The following TASP1 variants were observed in gnomAD, a reference collection of about 807,000 sequenced individuals.
TASP1 encodes the protein threonine aspartase 1.
In TASP1, 16 loss-of-function variants were observed where a neutral mutation model predicts 56.6. That is an observed-to-expected ratio of 0.28 (90% CI 0.19 to 0.43). The LOEUF (loss-of-function observed/expected upper bound fraction) is 0.43, where lower values mean the gene tolerates loss of function less well. Ranked by LOEUF, TASP1 falls within the 20% of genes least tolerant of loss-of-function variation. The pLI is 1.00. For missense variants in TASP1, 393 were observed against 511.6 expected (o/e 0.77, Z 2.24); for synonymous variants, 179 against 184.2 (o/e 0.97, Z 0.23).
At chr20:13,590,131 C>T (rs1012787144) in intron 4 of TASP1, among the ~76,000 whole-genome samples, 1 of 152,084 alleles carries the variant, frequency 6.6e-6, no homozygotes. Flanking sequence ...ACTCAGGAGG[C>T]TGAGGCACGA....
chr20:13,548,735 T>C (rs979542693), intron 8 of TASP1, among the ~76,000 whole-genome samples: 5 of 152,176 alleles, frequency 3.3e-5, no homozygotes, highest in Non-Finnish European at 7.3e-5. Flanking sequence ...AATTCAATCA[T>C]ATAATCCCAG....
the TASP1 span, among the ~76,000 whole-genome samples, chr20:13,301,648 A>T: frequency 6.6e-6 from 1 of 152,180 alleles, no homozygotes; most frequent in African/African-American, 2.4e-5. Context: ...AAGAGAATCA[A>T]TGCGTCCGTG....
chr20:13,606,352 T>C (rs1309813308), intron 4 of TASP1, among the ~76,000 whole-genome samples: 2 of 152,144 alleles, frequency 1.3e-5, no homozygotes, highest in Non-Finnish European at 2.9e-5. Flanking sequence ...CAGAGAGTGC[T>C]CCCCTTACTG....
At chr20:13,624,612 T>C (rs1251031641) in intron 3 of TASP1, among the ~76,000 whole-genome samples, 2 of 152,126 alleles carry the variant, frequency 1.3e-5, no homozygotes, top group East Asian at 3.9e-4. Context: ...ACAAGACTAG[T>C]AAGAATCAAA....
At chr20:13,431,536 G>A (rs2042806062) in intron 12 of TASP1, among the ~76,000 whole-genome samples, 2 of 152,122 alleles carry the variant, frequency 1.3e-5, no homozygotes, top group South Asian at 4.1e-4. Flanking sequence ...ATAGAGATAA[G>A]TACAGATATA....
the TASP1 span, among the ~76,000 whole-genome samples, chr20:13,221,345 C>T: frequency 6.7e-6 from 1 of 148,424 alleles, no homozygotes; most frequent in Non-Finnish European, 1.5e-5. Flanking sequence ...ACATCTGGGG[C>T]GCCCATGTGC....
At chr20:13,376,222 G>C in the TASP1 span, among the ~76,000 whole-genome samples, 3 of 152,318 alleles carry the variant, frequency 2.0e-5, no homozygotes, top group South Asian at 6.2e-4. Context: ...TTATGTTTAA[G>C]TGTATAATCC....
intron 10 of TASP1, among the ~76,000 whole-genome samples, chr20:13,511,650 T>A (rs2044329830): frequency 6.6e-6 from 1 of 152,240 alleles, no homozygotes; most frequent in Admixed American, 6.5e-5. Context: ...GTGCACAATG[T>A]ACAGGTTTGT....
chr20:13,419,952 G>T (rs747183840), intron 12 of TASP1, among the ~76,000 whole-genome samples: 2 of 152,182 alleles, frequency 1.3e-5, no homozygotes, highest in African/African-American at 2.4e-5. Context: ...TCCAGAGCAA[G>T]GTCTGGGATA....
the TASP1 span, among the ~76,000 whole-genome samples, chr20:13,340,252 T>C: frequency 3.3e-5 from 5 of 152,170 alleles, no homozygotes; most frequent in Admixed American, 3.3e-4. Context: ...CAGCCTAGCA[T>C]GAGGAAGACA....
intron 4 of TASP1, among the ~76,000 whole-genome samples, chr20:13,589,111 G>A: frequency 6.8e-6 from 1 of 148,050 alleles, no homozygotes; most frequent in East Asian, 2.0e-4. Context: ...AGGCTGGAGT[G>A]CAGTGGTGTG....
the TASP1 span, among the ~76,000 whole-genome samples, chr20:13,177,410 A>T: frequency 1.3e-5 from 2 of 152,214 alleles, no homozygotes; most frequent in Non-Finnish European, 2.9e-5. Flanking sequence ...CAGAAAAAAA[A>T]TTCTAAAATC....
At chr20:13,228,162 G>A in the TASP1 span, among the ~76,000 whole-genome samples, 3 of 151,406 alleles carry the variant, frequency 2.0e-5, no homozygotes, top group African/African-American at 4.9e-5. Flanking sequence ...TAGTAGAGAT[G>A]GAGTTTCACC....
the TASP1 span, among the ~76,000 whole-genome samples, chr20:13,346,979 G>A: frequency 6.6e-6 from 1 of 152,188 alleles, no homozygotes; most frequent in African/African-American, 2.4e-5. Flanking sequence ...AATACATTAT[G>A]TACCGACAAG....
the TASP1 span, among the ~76,000 whole-genome samples, chr20:13,231,751 T>C: frequency 7.0e-4 from 107 of 152,260 alleles, no homozygotes; most frequent in Middle Eastern, 0.017. Flanking sequence ...ATGGAAGAGA[T>C]AGTACTGCGA....
chr20:13,557,208 T>C (rs1011008244), intron 8 of TASP1, among the ~76,000 whole-genome samples: 1 of 152,192 alleles, frequency 6.6e-6, no homozygotes, highest in Non-Finnish European at 1.5e-5. Flanking sequence ...AAAAATCAAA[T>C]GTCCATCAAC....
intron 10 of TASP1, among the ~76,000 whole-genome samples, chr20:13,525,277 C>T (rs2044929742): frequency 6.6e-6 from 1 of 152,118 alleles, no homozygotes. Context: ...TCTGGTTTTA[C>T]AAATAACCCC....
chr20:13,253,517 T>G, the TASP1 span, among the ~76,000 whole-genome samples: 74 of 152,294 alleles, frequency 4.9e-4, no homozygotes, highest in African/African-American at 1.7e-3. Context: ...TTACCGACTA[T>G]CAGCCACTGT....
intron 8 of TASP1, among the ~76,000 whole-genome samples, chr20:13,537,310 T>C (rs961292975): frequency 6.6e-5 from 10 of 152,134 alleles, no homozygotes; most frequent in Non-Finnish European, 8.8e-5. Context: ...AAGCTAAATA[T>C]TCCTAAGAGC....
Sources: allele counts gnomAD v4.1 joint callset (sites outside exome capture counted in the v4.1 genomes callset), GRCh38; gene constraint gnomAD v4.1.1; transcripts MANE v1.5; gene names NCBI Gene and HGNC (gene_info 2026-07-23, HGNC 2026-07-21).